The following CACNB2 variants were observed in gnomAD, a reference collection of about 807,000 sequenced individuals.
CACNB2 encodes the protein voltage-dependent L-type calcium channel subunit beta-2.
In CACNB2, 42 loss-of-function variants were observed where a neutral mutation model predicts 73.3. The ratio of observed to expected loss-of-function variants is 0.57; its 90% CI spans 0.45 to 0.74. The LOEUF is 0.74. Ranked by LOEUF, CACNB2 falls within the 30% of genes least tolerant of loss-of-function variation. The probability of loss-of-function intolerance (pLI) is 0.00; values close to 1 mark genes in which losing one functional copy is unlikely to be tolerated. For synonymous variants in CACNB2, 348 were observed against 310.3 expected (o/e 1.12, Z -1.28); for missense variants, 940 against 853.0 (o/e 1.10, Z -1.27).
At chr10:18,164,404 A>G (rs1451310069) in intron 2 of CACNB2, among the ~76,000 whole-genome samples, 1 of 152,142 alleles carries the variant, frequency 6.6e-6, no homozygotes, top group Non-Finnish European at 1.5e-5. Flanking sequence ...GAAAGAAACT[A>G]GGTTATTTGG....
At chr10:18,510,162 T>A (rs981043502) in intron 6 of CACNB2, among the ~76,000 whole-genome samples, 2 of 152,220 alleles carry the variant, frequency 1.3e-5, no homozygotes, top group African/African-American at 4.8e-5. Flanking sequence ...ATGTCAGAAC[T>A]AGTACATTAT....
rs148638262 is a variant in CACNB2 at position 18,150,917 on chromosome 10, T to G, written c.155T>G (p.Phe52Cys). ...AAAGGAGCCAGAAGGAAAAACAGAT[T>G]TAAAGGATCTGATGGAAGCACGTCA... ...YGKGARRKNR[F>C]KGSDGSTSSD... Residue 52 changes from phenylalanine (F) to cysteine (C), a missense_variant, in exon 2 of 14, where the codon TTT (phenylalanine) becomes TGT (cysteine). Coordinates refer to ENST00000324631, the MANE Select transcript of CACNB2 (RefSeq NM_201596.3). 49 of 1,470,024 alleles carry G rather than the reference T, an allele frequency of 3.3e-5. No homozygotes were observed. The Admixed American group carries it at 5.2e-4, about 15-fold the overall frequency. 91.1% of individuals were successfully genotyped at this position (1,470,024 alleles called of 1,614,324 possible). A position where few individuals can be genotyped will look rare whatever the true frequency, so the allele number is the denominator to read the frequency against.
chr10:18,140,927 G>A (rs1002553935), intron 1 of CACNB2, 71 bp downstream of exon 1: 29 of 1,543,284 alleles, frequency 1.9e-5, no homozygotes, highest in Non-Finnish European at 2.4e-5. Context: ...GGGTTCTCCC[G>A]GCGCCTCCAC....
At chr10:18,218,050 T>C (rs1022502220) in intron 2 of CACNB2, among the ~76,000 whole-genome samples, 1 of 152,136 alleles carries the variant, frequency 6.6e-6, no homozygotes, top group Middle Eastern at 3.2e-3. Context: ...TGCAGGACAT[T>C]CTAAAGGTTT....
At chr10:18,308,543 T>G (rs1162396358) in intron 2 of CACNB2, among the ~76,000 whole-genome samples, 17 of 152,212 alleles carry the variant, frequency 1.1e-4, no homozygotes, top group Admixed American at 9.8e-4. Flanking sequence ...TTCACATTTC[T>G]TGAAAGATCA....
chr10:18,315,499 TAAAAAAAAAAAAA>T (rs756721525), intron 2 of CACNB2, among the ~76,000 whole-genome samples: 1,113 of 39,550 alleles, frequency 0.028, 49 homozygotes, highest in African/African-American at 0.1. Flanking sequence ...TGTCTCTATT[TAAAAAAAAAAAAA>T]AAAAAAAAAA....
rs553623447 is a variant in CACNB2 at position 18,154,105 on chromosome 10, C to T, written c.213+3130C>T. On this transcript the variant is annotated intron_variant, in intron 2 of 13. Transcript: ENST00000324631. ...TATAGCCCTTTGATTAAAAATAGTT[C>T]CTATATAATTTTAAAAACCTTAGAA... Among the ~76,000 whole-genome samples the T allele has an allele frequency of 4.3e-4, 65 of 151,530 alleles. 1 individual carries two copies. Among genetic ancestry groups the T allele is most frequent in the African/African-American group, 1.4e-3 (57 of 41,290 alleles).
chr10:18,517,285 A>G (rs1164917722), intron 7 of CACNB2, among the ~76,000 whole-genome samples: 1 of 152,130 alleles, frequency 6.6e-6, no homozygotes, highest in East Asian at 1.9e-4. Flanking sequence ...ACTCTTATGC[A>G]TTTTTTTAAA....
intron 1 of CACNB2, chr10:18,141,361 C>T: frequency 1.3e-6 from 1 of 770,472 alleles, no homozygotes; most frequent in Non-Finnish European, 2.2e-6. Flanking sequence ...TATGGGGGTG[C>T]CCTGCCGGAT....
intron 2 of CACNB2, among the ~76,000 whole-genome samples, chr10:18,249,754 C>A (rs146462946): frequency 1.3e-5 from 2 of 152,256 alleles, no homozygotes; most frequent in Non-Finnish European, 2.9e-5. Context: ...TATATGCCAC[C>A]TTCCTAGTTT....
chr10:18,531,388 T>C (rs962105742), intron 10 of CACNB2, among the ~76,000 whole-genome samples: 2 of 152,188 alleles, frequency 1.3e-5, no homozygotes, highest in African/African-American at 4.8e-5. Flanking sequence ...TCTATGTACC[T>C]TGTTTTCTTT....
intron 3 of CACNB2, among the ~76,000 whole-genome samples, chr10:18,490,200 G>A (rs1319734216): frequency 6.6e-6 from 1 of 152,142 alleles, no homozygotes; most frequent in African/African-American, 2.4e-5. Context: ...TTATTGTCTA[G>A]ATAAAGAGAT....
At chr10:18,237,448 T>C (rs2036489980) in intron 2 of CACNB2, among the ~76,000 whole-genome samples, 1 of 152,134 alleles carries the variant, frequency 6.6e-6, no homozygotes, top group South Asian at 2.1e-4. Flanking sequence ...AGCCAAGGAA[T>C]GTCAAGGACT....
chr10:18,266,991 A>G (rs1264215175), intron 2 of CACNB2, among the ~76,000 whole-genome samples: 1 of 152,120 alleles, frequency 6.6e-6, no homozygotes, highest in Non-Finnish European at 1.5e-5. Context: ...ATGTGTGTAT[A>G]TATACTATGT....
At chr10:18,297,277 G>C (rs2039317952) in intron 2 of CACNB2, among the ~76,000 whole-genome samples, 1 of 152,160 alleles carries the variant, frequency 6.6e-6, no homozygotes, top group Non-Finnish European at 1.5e-5. Flanking sequence ...AGGCACAATG[G>C]CAGATTTCTA....
rs1376449619 is a variant in CACNB2 at position 18,466,506 on chromosome 10, T to G, written c.334-31849T>G. Among the ~76,000 whole-genome samples, 3 of 152,324 alleles carry G rather than the reference T, an allele frequency of 2.0e-5. No individual in the cohort carries two copies. In the East Asian group the frequency reaches 5.8e-4, roughly 29 times the overall value. ...CCTCAGCCTGTCAATATTTTACCTG[T>G]ATTTCTCATCAGCTTGGTTTTTTGG... On this transcript the variant is annotated intron_variant, in intron 3 of 13. Transcript: ENST00000324631.
Position 18,459,045 on chromosome 10 carries a change from G to A in CACNB2, c.334-39310G>A, listed in dbSNP as rs899778825. Among the ~76,000 whole-genome samples the A allele has an allele frequency of 3.3e-5, 5 of 152,048 alleles. No homozygotes were observed. In the East Asian group the frequency reaches 5.8e-4, roughly 18 times the overall value. ...CTCCCAAAGTGCTGGGATTACAGGC[G>A]CGAGCCACTGCACCTGGCCCAAGAT... is the stretch of plus-strand genomic sequence containing the variant. On this transcript the variant is annotated intron_variant, in intron 3 of 13. Transcript: ENST00000324631.
rs74120233 is a variant in CACNB2 at position 18,147,619 on chromosome 10, C to A, written c.121-3264C>A. Among the ~76,000 whole-genome samples, 408 of 152,152 alleles carry A rather than the reference C, an allele frequency of 2.7e-3. 2 individuals are homozygous for A. Among genetic ancestry groups the A allele is most frequent in the African/African-American group, 9.2e-3 (383 of 41,514 alleles). On this transcript the variant is annotated intron_variant, in intron 1 of 13. Transcript: ENST00000324631. ...ATGATTAACTGTTTCAGATATTGGG[C>A]GTTCATATATTTTAATGCTGGTAAA...
chr10:18,280,263 T>C (rs1351783626), intron 2 of CACNB2, among the ~76,000 whole-genome samples: 2 of 152,186 alleles, frequency 1.3e-5, no homozygotes, highest in Non-Finnish European at 2.9e-5. Flanking sequence ...TGAGTATTTA[T>C]TGAGCAATTA....
Sources: allele counts gnomAD v4.1 joint callset (sites outside exome capture counted in the v4.1 genomes callset), GRCh38; gene constraint gnomAD v4.1.1; transcripts MANE v1.5; gene names NCBI Gene and HGNC (gene_info 2026-07-23, HGNC 2026-07-21).